Variants in NXF3 observed in about 807,000 individuals in gnomAD.
NXF3 encodes nuclear RNA export factor 3.
Under a neutral mutation model 48.4 loss-of-function variants are expected in NXF3, and 34 were observed. That is an observed-to-expected ratio of 0.70 (90% CI 0.53 to 0.93). NXF3 has a LOEUF of 0.93. Ranked by LOEUF, NXF3 falls within the 40% of genes least tolerant of loss-of-function variation. NXF3 has a pLI of 0.00. For synonymous variants in NXF3, 132 were observed against 145.7 expected, an observed-to-expected ratio of 0.91 and a Z score of 0.68; for missense variants, 359 against 406.1, an observed-to-expected ratio of 0.88 and a Z score of 1.00.
intron 1 of NXF3, among the ~76,000 whole-genome samples, chrX:103,091,751 C>T (rs1402020608): frequency 9.1e-6 from 1 of 110,149 alleles, no homozygotes; most frequent in Non-Finnish European, 1.9e-5. Flanking sequence ...TTTGGGAGGC[C>T]GAGACAGGTG....
intron 9 of NXF3, 103 bp from the exon 10 acceptor site, chrX:103,080,715 CCA>C: frequency 5.0e-6 from 4 of 795,612 alleles, no homozygotes; most frequent in Non-Finnish European, 7.6e-6. Flanking sequence ...TGCAGTGTGT[CCA>C]CCTACACTCC....
At chrX:103,082,970 C>T in intron 7 of NXF3, 34 bp downstream of exon 7, 4 of 1,181,416 alleles carry the variant, frequency 3.4e-6, no homozygotes, top group Non-Finnish European at 4.6e-6. Context: ...CACCTCTGCC[C>T]TCATCTACCA....
In NXF3 at chrX:103,079,372, A is replaced by G; in HGVS notation, c.1322T>C (p.Met441Thr). ...QHDLSSFLVD[M>T]WYQTEWMLCF... ...GCAGGTACTCACCGTCTGGTACCAC[A>G]TGTCCACCAGGAAGGAGCTGAGGTC... is the stretch of plus-strand genomic sequence containing the variant. Residue 441 changes from methionine (M) to threonine (T), a missense_variant, in exon 15 of 20, where the codon ATG becomes ACG. Transcript: ENST00000395065. 5.0e-6 allele frequency: 6 copies of G among 1,210,878 alleles called. No homozygotes were observed. Among genetic ancestry groups the G allele is most frequent in the Non-Finnish European group, 6.7e-6 (6 of 894,579 alleles).
Position 103,084,730 on chromosome X carries a change from T to C in NXF3, c.182A>G (p.Asp61Gly). Reference sequence around the variant, plus strand: ...GGTCACTTACTATCTTACTGGAGAGTCCATGTGGGCACCATGCATTGCTGC... The same window carrying C: ...GGTCACTTACTATCTTACTGGAGAGCCCATGTGGGCACCATGCATTGCTGC... ...GDAAMHGAHM[D>G]SPVRYTPYTI... Residue 61 changes from aspartate to glycine, a missense_variant, in exon 2 of 20, where the codon GAC becomes GGC. Asp to Gly is a moderately conservative substitution (Grantham distance 94). Coordinates refer to ENST00000395065, the MANE Select transcript of NXF3 (RefSeq NM_022052.2). 8.3e-7 allele frequency: 1 copy of C among 1,211,376 alleles called. No homozygotes were observed. The highest frequency in any genetic ancestry group is 1.1e-6 in the Non-Finnish European group (1 of 895,327).
Position 103,079,754 on chromosome X carries a change from G to C in NXF3, c.1160+9C>G. On this transcript the variant is annotated intron_variant, in intron 13 of 19. Coordinates refer to ENST00000395065, the MANE Select transcript of NXF3 (RefSeq NM_022052.2). Reference sequence around the variant, plus strand: ...GGCCCTGGACCAGGGTCGGAGCTGTGATACTCACGGGGCTGAGTCCTCAGG... The same window carrying C: ...GGCCCTGGACCAGGGTCGGAGCTGTCATACTCACGGGGCTGAGTCCTCAGG... 2 of 1,205,609 alleles carry C rather than the reference G, an allele frequency of 1.7e-6. No homozygotes were observed. Among genetic ancestry groups the C allele is most frequent in the Non-Finnish European group, 2.2e-6 (2 of 890,196 alleles).
chrX:103,080,699 A>T (rs1225199017), intron 9 of NXF3, 87 bp from the exon 10 acceptor site: 2 of 913,901 alleles, frequency 2.2e-6, no homozygotes, highest in Non-Finnish European at 3.2e-6. Flanking sequence ...TACGTCAGAG[A>T]CACAGTGCAG....
intron 12 of NXF3, 56 bp from the exon 13 acceptor site, chrX:103,079,926 TTGAAAGTC>T: frequency 1.7e-6 from 2 of 1,188,509 alleles, no homozygotes; most frequent in Non-Finnish European, 2.3e-6. Flanking sequence ...CAAATGAGTC[TTGAAAGTC>T]TGACTGTAGG....
chrX:103,091,984 CAAAAA>C (rs59377364), intron 1 of NXF3, among the ~76,000 whole-genome samples: 2 of 47,811 alleles, frequency 4.2e-5, no homozygotes, highest in Non-Finnish European at 3.7e-5. Flanking sequence ...GACTCCATCA[CAAAAA>C]AAAAAAAAAA....
At position 103,082,880 on chromosome X, in the gene NXF3, T is replaced by C. The variant is rs1316045218; in HGVS notation, c.692-32A>G. The stretch of plus-strand genomic sequence containing the variant: ...AAAGCAGAGAGGAGAAAATCAGAAG[T>C]CTGAGAGGGACCCGCCTGGTACAGC... On this transcript the variant is annotated intron_variant, in intron 7 of 19. Coordinates refer to ENST00000395065, the MANE Select transcript of NXF3 (RefSeq NM_022052.2). 2.6e-6 allele frequency: 3 copies of C among 1,171,694 alleles called. No homozygotes were observed. In the African/African-American group the frequency reaches 5.3e-5, roughly 21 times the overall value.
intron 1 of NXF3, chrX:103,088,285 TTGAAAAATTG>T: frequency 1.7e-6 from 1 of 572,542 alleles, no homozygotes; most frequent in Admixed American, 3.2e-5. Context: ...AAAGAGATTC[TTGAAAAATTG>T]TGATCGTATT....
chrX:103,084,989 G>A (rs1374726064), intron 1 of NXF3, 106 bp from the exon 2 acceptor site: 3 of 788,497 alleles, frequency 3.8e-6, no homozygotes, highest in Non-Finnish European at 5.6e-6. Context: ...TTTAGAGTCA[G>A]GATCTGGCTC....
intron 1 of NXF3, among the ~76,000 whole-genome samples, chrX:103,085,900 CAAAAA>C (rs56135590): frequency 3.7e-4 from 16 of 43,536 alleles, no homozygotes; most frequent in African/African-American, 4.7e-4. Flanking sequence ...GAGACTCTGT[CAAAAA>C]AAAAAAAAAA....
At position 103,084,881 on chromosome X, in the gene NXF3, G is replaced by T; in HGVS notation, c.31C>A (p.His11Asn). The T allele has an allele frequency of 8.3e-7, 1 of 1,207,437 alleles. No individual in the cohort carries two copies. Among genetic ancestry groups the T allele is most frequent in the Non-Finnish European group, 1.1e-6 (1 of 892,058 alleles). MSLPSGHTTG[H>N]TDQVVQRRAR... ...CTTCTTTGAACAACTTGATCAGTGT[G>T]ACCTTAAATTAAGAACAGCACATCA... The change falls in exon 2 of 20, where the codon CAC becomes AAC. Residue 11 changes from histidine to asparagine, a missense_variant and splice_region_variant. By Grantham distance (68) the His-to-Asn change is moderately conservative. Transcript: ENST00000395065.
Position 103,082,793 on chromosome X carries a change from G to A in NXF3, c.747C>T (p.Ala249=). 1 of 1,210,297 alleles carries A rather than the reference G, an allele frequency of 8.3e-7. No individual in the cohort carries two copies. The highest frequency in any genetic ancestry group is 1.1e-6 in the Non-Finnish European group (1 of 894,163). ...TGTTCTCTTCATGGACGTCCAGGGA[G>A]GCAGCCATGCACTTTCTAGGATTCG... ...MASNPRKCMA[A]SLDVHEENIP... is the part of the protein sequence containing the mutation. The change falls in exon 8 of 20, where the codon GCC becomes GCT. Residue 249 remains alanine, a synonymous_variant. Transcript: ENST00000395065.
In NXF3 at chrX:103,084,374, C is replaced by A; in HGVS notation, c.319G>T (p.Asp107Tyr). The A allele has an allele frequency of 8.3e-7, 1 of 1,211,592 alleles. No homozygotes were observed. The highest frequency in any genetic ancestry group is 1.1e-6 in the Non-Finnish European group (1 of 895,500). ...TTGAACCAGCTCCCTAAGGTCCCATCCGGCATGTTCCCCTCCATTCTTCTC... is the reference window on the plus strand; with the variant it reads ...TTGAACCAGCTCCCTAAGGTCCCATACGGCATGTTCCCCTCCATTCTTCTC... ...PERRMEGNMP[D>Y]GTLGSWFKIT... is the part of the protein sequence containing the mutation. Residue 107 changes from aspartate to tyrosine, a missense_variant, in exon 3 of 20, where the codon GAT becomes TAT. Physicochemically the swap from Asp to Tyr is radical, Grantham distance 160. Transcript: ENST00000395065.
At position 103,076,224 on chromosome X, in the gene NXF3, G is replaced by A. The variant is rs1262443550; in HGVS notation, c.*49+17C>T. 7 of 1,168,884 alleles carry A rather than the reference G, an allele frequency of 6.0e-6. No individual in the cohort carries two copies. The highest frequency in any genetic ancestry group is 1.8e-5 in the African/African-American group (1 of 56,163). On this transcript the variant is annotated intron_variant, in intron 19 of 19. Coordinates refer to ENST00000395065, the MANE Select transcript of NXF3 (RefSeq NM_022052.2). ...CACCCAACCTCTGCTCACTTGGCCT[G>A]AATTCCTAGACCTCACCTTGGGCCA...
intron 9 of NXF3, chrX:103,081,478 G>A (rs747585274): frequency 3.5e-5 from 4 of 112,814 alleles, no homozygotes; most frequent in Non-Finnish European, 5.6e-5. Context: ...TGCCTTGACC[G>A]AGGAATGCTA....
intron 16 of NXF3, 98 bp from the exon 17 acceptor site, chrX:103,078,730 AG>A: frequency 8.7e-7 from 1 of 1,151,970 alleles, no homozygotes; most frequent in Non-Finnish European, 1.2e-6. Flanking sequence ...CTCACACAGA[AG>A]GGGGCCAGAC....
intron 10 of NXF3, 26 bp from the exon 11 acceptor site, chrX:103,080,242 A>G: frequency 8.5e-7 from 1 of 1,181,204 alleles, no homozygotes; most frequent in East Asian, 3.0e-5. Context: ...GGAAGTCAGT[A>G]GTGCAAAGTA....
Sources: allele counts gnomAD v4.1 joint callset (sites outside exome capture counted in the v4.1 genomes callset), GRCh38; gene constraint gnomAD v4.1.1; transcripts MANE v1.5; gene names NCBI Gene and HGNC (gene_info 2026-07-23, HGNC 2026-07-21).